The following LYPD6B variants were observed in gnomAD, a reference collection of about 807,000 sequenced individuals.
LYPD6B encodes ly6/PLAUR domain-containing protein 6B.
LYPD6B carries 17 observed loss-of-function variants against 22.8 expected under a neutral mutation model. The ratio of observed to expected loss-of-function variants is 0.75; its 90% CI spans 0.51 to 1.12. The LOEUF (loss-of-function observed/expected upper bound fraction) is 1.12. LYPD6B is among the 50% of genes most tolerant of loss of function. LYPD6B has a pLI of 0.00. For synonymous variants in LYPD6B, 106 were observed against 91.6 expected, an observed-to-expected ratio of 1.16 and a Z score of -0.90; for missense variants, 221 against 258.3, an observed-to-expected ratio of 0.86 and a Z score of 0.99.
intron 3 of LYPD6B, among the ~76,000 whole-genome samples, chr2:149,170,013 T>C (rs1180741442): frequency 3.3e-5 from 5 of 152,224 alleles, no homozygotes; most frequent in Non-Finnish European, 7.3e-5. Flanking sequence ...AAATGTGCCT[T>C]GGACATGGAA....
chr2:149,133,997 A>T (rs1407321224), intron 2 of LYPD6B, among the ~76,000 whole-genome samples: 2 of 152,138 alleles, frequency 1.3e-5, no homozygotes, highest in African/African-American at 4.8e-5. Context: ...AAAACAAATA[A>T]ATGAAGGAAG....
At position 149,175,656 on chromosome 2, in the gene LYPD6B, AT is replaced by A. The variant is rs138822434; in HGVS notation, c.77+14827del. Reference sequence around the variant, plus strand: ...ACACATTTTGCAGATATACAAAAATATTTTTTCTTTACATCCTTATTCTATC... The same window carrying A: ...ACACATTTTGCAGATATACAAAAATATTTTTCTTTACATCCTTATTCTATC... On this transcript the variant is annotated intron_variant, in intron 3 of 6. Transcript: ENST00000409642. 6.0e-3 allele frequency among the ~76,000 whole-genome samples: 900 copies of A among 150,266 alleles called. 9 individuals carry two copies. Among genetic ancestry groups the A allele is most frequent in the African/African-American group, 0.021 (860 of 41,090 alleles).
chr2:149,136,717 A>G (rs926443207), intron 2 of LYPD6B, among the ~76,000 whole-genome samples: 1 of 152,244 alleles, frequency 6.6e-6, no homozygotes, highest in Non-Finnish European at 1.5e-5. Flanking sequence ...GCTGACTTAT[A>G]AGCTTTGTGA....
chr2:149,147,172 G>C (rs577438338), intron 2 of LYPD6B, among the ~76,000 whole-genome samples: 1 of 152,270 alleles, frequency 6.6e-6, no homozygotes, highest in South Asian at 2.1e-4. Context: ...AGGAGGCTTG[G>C]GGGTAGTTGT....
At chr2:149,186,187 CA>C (rs1249295669) in intron 3 of LYPD6B, among the ~76,000 whole-genome samples, 4 of 152,184 alleles carry the variant, frequency 2.6e-5, no homozygotes, top group African/African-American at 9.7e-5. Context: ...CCTCTTGTGC[CA>C]AACAGCCAAG....
intron 1 of LYPD6B, among the ~76,000 whole-genome samples, chr2:149,062,490 A>G (rs966175221): frequency 2.0e-5 from 3 of 152,190 alleles, no homozygotes; most frequent in Non-Finnish European, 1.5e-5. Flanking sequence ...GTTGCTCCAG[A>G]GGAACCTCTC....
intron 1 of LYPD6B, among the ~76,000 whole-genome samples, chr2:149,121,959 C>T (rs916353051): frequency 1.3e-5 from 2 of 152,196 alleles, no homozygotes; most frequent in African/African-American, 4.8e-5. Flanking sequence ...AATAATGGAT[C>T]CAGTGCTGGT....
intron 1 of LYPD6B, among the ~76,000 whole-genome samples, chr2:149,065,548 C>T (rs564614900): frequency 5.9e-5 from 9 of 152,106 alleles, no homozygotes; most frequent in South Asian, 2.1e-4. Flanking sequence ...GGAGAGAACC[C>T]GAGCTAGACT....
At chr2:149,138,538 G>C (rs547853074) in intron 2 of LYPD6B, among the ~76,000 whole-genome samples, 1 of 152,278 alleles carries the variant, frequency 6.6e-6, no homozygotes, top group Admixed American at 6.5e-5. Context: ...TTTCAGCAGA[G>C]GAGGTTTTCT....
intron 3 of LYPD6B, among the ~76,000 whole-genome samples, chr2:149,195,576 A>G (rs955629394): frequency 6.6e-6 from 1 of 152,192 alleles, no homozygotes; most frequent in African/African-American, 2.4e-5. Flanking sequence ...TTTTCTTAAA[A>G]TTGGTCTTCA....
At chr2:149,043,777 A>G (rs918541449) in intron 1 of LYPD6B, among the ~76,000 whole-genome samples, 1 of 152,142 alleles carries the variant, frequency 6.6e-6, no homozygotes. Flanking sequence ...ACTTAGGTCT[A>G]TGATCCATTT....
chr2:149,148,384 C>T (rs958187055), intron 2 of LYPD6B, among the ~76,000 whole-genome samples: 5 of 152,122 alleles, frequency 3.3e-5, no homozygotes, highest in Non-Finnish European at 7.3e-5. Context: ...GAGTGAAATT[C>T]GGATCTTTGC....
At chr2:149,069,786 C>T (rs1418929452) in intron 1 of LYPD6B, among the ~76,000 whole-genome samples, 1 of 152,154 alleles carries the variant, frequency 6.6e-6, no homozygotes, top group African/African-American at 2.4e-5. Context: ...GTGTCCACTA[C>T]TCAGTGTGAG....
chr2:149,140,595 T>C (rs1465436182), intron 2 of LYPD6B, among the ~76,000 whole-genome samples: 1 of 152,192 alleles, frequency 6.6e-6, no homozygotes, highest in African/African-American at 2.4e-5. Flanking sequence ...CCTCCCACAC[T>C]CTTAGATTCA....
At chr2:149,069,907 CT>C (rs201360515) in intron 1 of LYPD6B, among the ~76,000 whole-genome samples, 5,933 of 141,058 alleles carry the variant, frequency 0.042, 252 homozygotes, top group African/African-American at 0.11. Flanking sequence ...AGCTGTACAA[CT>C]TTTTTTTTTT....
intron 2 of LYPD6B, among the ~76,000 whole-genome samples, chr2:149,147,936 G>GTGTGTA (rs1553490151): frequency 6.6e-6 from 1 of 151,852 alleles, no homozygotes; most frequent in Admixed American, 6.6e-5. Flanking sequence ...GTGTGTGTGT[G>GTGTGTA]TGTGTATAGT....
intron 2 of LYPD6B, among the ~76,000 whole-genome samples, chr2:149,143,597 T>C (rs1187172013): frequency 6.6e-6 from 1 of 151,884 alleles, no homozygotes; most frequent in African/African-American, 2.4e-5. Context: ...ATAACTTGTC[T>C]TATCAATCTC....
intron 1 of LYPD6B, among the ~76,000 whole-genome samples, chr2:149,126,481 C>A (rs1427088381): frequency 6.6e-6 from 1 of 151,806 alleles, no homozygotes; most frequent in Non-Finnish European, 1.5e-5. Flanking sequence ...TTACAAAAAT[C>A]ATAAGGAAGA....
intron 3 of LYPD6B, among the ~76,000 whole-genome samples, chr2:149,179,485 T>C (rs1691557376): frequency 6.6e-6 from 1 of 152,214 alleles, no homozygotes; most frequent in Non-Finnish European, 1.5e-5. Context: ...AGACAGACTC[T>C]ATAGCTCAGA....
Sources: gnomAD v4.1 joint callset for allele counts (sites outside exome capture counted in the v4.1 genomes callset) on GRCh38, gnomAD v4.1.1 for gene constraint, MANE v1.5 for transcripts, NCBI Gene and HGNC (gene_info 2026-07-23, HGNC 2026-07-21) for gene names.